AMPH: variants seen among roughly 807,000 people sequenced by gnomAD.
The protein encoded by AMPH is amphiphysin.
Under a neutral mutation model 99.1 loss-of-function variants are expected in AMPH, and 49 were observed. The ratio of observed to expected loss-of-function variants is 0.49; its 90% CI spans 0.39 to 0.63. The LOEUF (loss-of-function observed/expected upper bound fraction) is 0.63, where lower values mean the gene tolerates loss of function less well. Ranked by LOEUF, AMPH falls within the 20% of genes least tolerant of loss-of-function variation. AMPH has a pLI of 0.00. For missense variants in AMPH, 759 were observed against 863.4 expected, an observed-to-expected ratio of 0.88 and a Z score of 1.52; for synonymous variants, 314 against 317.3, an observed-to-expected ratio of 0.99 and a Z score of 0.11.
chr7:38,473,587 C>G (rs1183704542), intron 7 of AMPH, among the ~76,000 whole-genome samples: 1 of 105,288 alleles, frequency 9.5e-6, no homozygotes, highest in Non-Finnish European at 1.9e-5. Flanking sequence ...GCCTGTAGTC[C>G]CAGCTACTCG....
chr7:38,598,284 T>A (rs1235038513), intron 1 of AMPH, among the ~76,000 whole-genome samples: 6 of 151,822 alleles, frequency 4.0e-5, no homozygotes, highest in Non-Finnish European at 8.8e-5. Flanking sequence ...GTTGTTGTTG[T>A]TGTTGTTGTT....
At chr7:38,430,090 C>G (rs1785948520) in intron 13 of AMPH, 1 of 524,378 alleles carries the variant, frequency 1.9e-6, no homozygotes, top group African/African-American at 2.0e-5. Context: ...GCCTCTTTCA[C>G]TTTCTAGCAT....
intron 1 of AMPH, among the ~76,000 whole-genome samples, chr7:38,578,320 T>A (rs1329974612): frequency 1.9e-4 from 29 of 152,230 alleles, no homozygotes; most frequent in Admixed American, 1.9e-3. Flanking sequence ...AGTTATGTTG[T>A]TAGATTTAGT....
chr7:38,516,252 T>C (rs1423922094), intron 2 of AMPH, among the ~76,000 whole-genome samples: 1 of 152,160 alleles, frequency 6.6e-6, no homozygotes, highest in Non-Finnish European at 1.5e-5. Context: ...GCGCCTTCCA[T>C]CACAGGCCCT....
At chr7:38,589,282 T>G (rs1181288448) in intron 1 of AMPH, among the ~76,000 whole-genome samples, 2 of 152,180 alleles carry the variant, frequency 1.3e-5, no homozygotes, top group South Asian at 4.1e-4. Context: ...CAACTCTTGG[T>G]GAGGTATAAT....
intron 11 of AMPH, among the ~76,000 whole-genome samples, chr7:38,448,186 T>G (rs1026152596): frequency 1.3e-5 from 2 of 152,174 alleles, no homozygotes; most frequent in Non-Finnish European, 2.9e-5. Context: ...TATAACAAGA[T>G]TGCTCCAGAT....
intron 1 of AMPH, among the ~76,000 whole-genome samples, chr7:38,619,386 AC>A (rs1389764698): frequency 1.3e-5 from 2 of 152,230 alleles, no homozygotes; most frequent in African/African-American, 4.8e-5. Context: ...ATAAAAGAGC[AC>A]TAAAATACAT....
At chr7:38,532,646 TCTGCCAA>T (rs1790449351) in intron 2 of AMPH, among the ~76,000 whole-genome samples, 1 of 152,090 alleles carries the variant, frequency 6.6e-6, no homozygotes, top group Admixed American at 6.5e-5. Flanking sequence ...CACAAATCAT[TCTGCCAA>T]TGTAGTTGAT....
intron 17 of AMPH, among the ~76,000 whole-genome samples, chr7:38,406,713 C>CCTCTCTCCCTCTCTCTCTCT (rs1562732244): frequency 7.2e-5 from 8 of 111,088 alleles, no homozygotes; most frequent in South Asian, 3.6e-4. Flanking sequence ...TCTCTCCTCT[C>CCTCTCTCCCTCTCTCTCTCT]CTCTCTCTCT....
chr7:38,487,260 T>C (rs965835397), intron 5 of AMPH, among the ~76,000 whole-genome samples: 40 of 152,096 alleles, frequency 2.6e-4, no homozygotes, highest in Admixed American at 2.0e-4. Flanking sequence ...TCATACTACC[T>C]GACTTCAAAC....
At chr7:38,463,305 G>T in intron 9 of AMPH, 192 bp from the exon 10 acceptor site, 2 of 742,208 alleles carry the variant, frequency 2.7e-6, no homozygotes, top group East Asian at 2.8e-5. Flanking sequence ...GCACTACAGA[G>T]ACCTCATTCA....
rs150291534 is a variant in AMPH, at chr7:38,432,801, AGAT to A, written c.1135-592_1135-590del. On this transcript the variant is annotated intron_variant, in intron 12 of 20. Transcript: ENST00000356264. ...AAATAGTTCTTCAATATGTTAAATTAGATGATAACACACTGCTCAATGAATTGG... is the reference window on the plus strand; with the variant it reads ...AAATAGTTCTTCAATATGTTAAATTAGATAACACACTGCTCAATGAATTGG... 4.2e-3 allele frequency among the ~76,000 whole-genome samples: 641 copies of A among 152,342 alleles called. 30 individuals carry two copies. In the East Asian group the frequency reaches 0.11, roughly 26 times the overall value.
intron 1 of AMPH, among the ~76,000 whole-genome samples, chr7:38,585,009 G>T (rs1399074625): frequency 2.6e-5 from 4 of 152,126 alleles, no homozygotes; most frequent in Non-Finnish European, 5.9e-5. Flanking sequence ...TGACAACCAA[G>T]AAAGGTGGCA....
chr7:38,588,755 A>G (rs1317789201), intron 1 of AMPH, among the ~76,000 whole-genome samples: 1 of 152,196 alleles, frequency 6.6e-6, no homozygotes, highest in East Asian at 1.9e-4. Context: ...CAGAAAACCT[A>G]TTAGAACTGG....
chr7:38,385,588 A>G (rs1240172083), intron 20 of AMPH, among the ~76,000 whole-genome samples: 1 of 152,226 alleles, frequency 6.6e-6, no homozygotes, highest in Admixed American at 6.5e-5. Flanking sequence ...TATAAACTAC[A>G]AAGCAGTTGG....
chr7:38,488,669 TA>T (rs1288690389), intron 5 of AMPH, among the ~76,000 whole-genome samples: 1 of 151,884 alleles, frequency 6.6e-6, no homozygotes, highest in Non-Finnish European at 1.5e-5. Context: ...TAAAATATAA[TA>T]AAAAAATTAT....
chr7:38,615,811 G>A (rs1372271231), intron 1 of AMPH, among the ~76,000 whole-genome samples: 2 of 152,168 alleles, frequency 1.3e-5, no homozygotes, highest in African/African-American at 4.8e-5. Context: ...AGACACAGCA[G>A]GTTAGCTACT....
At chr7:38,441,752 T>TATATATATCATATATATG in intron 11 of AMPH, among the ~76,000 whole-genome samples, 1 of 89,194 alleles carries the variant, frequency 1.1e-5, no homozygotes, top group Non-Finnish European at 2.3e-5. Flanking sequence ...AGATATATCA[T>TATATATATCATATATATG]ATATATATCA....
At chr7:38,563,921 C>T (rs1791640552) in intron 1 of AMPH, among the ~76,000 whole-genome samples, 1 of 152,168 alleles carries the variant, frequency 6.6e-6, no homozygotes, top group Admixed American at 6.5e-5. Context: ...GTTATCACCT[C>T]ACCACACATT....
Sources: gnomAD v4.1 joint callset for allele counts (sites outside exome capture counted in the v4.1 genomes callset) on GRCh38, gnomAD v4.1.1 for gene constraint, MANE v1.5 for transcripts, NCBI Gene and HGNC (gene_info 2026-07-23, HGNC 2026-07-21) for gene names.